DGKB: variants seen among roughly 807,000 people sequenced by gnomAD.
DGKB encodes the protein 90 kDa diacylglycerol kinase.
DGKB carries 67 observed loss-of-function variants against 114.3 expected under a neutral mutation model. The observed-to-expected ratio is 0.59, with a 90% CI of 0.48 to 0.72. The LOEUF (loss-of-function observed/expected upper bound fraction) is 0.72. DGKB is among the 30% of genes least tolerant of loss of function. The probability of loss-of-function intolerance (pLI) is 0.00; values close to 1 mark genes in which losing one functional copy is unlikely to be tolerated. For synonymous variants in DGKB, 398 were observed against 323.1 expected, an observed-to-expected ratio of 1.23 and a Z score of -2.49; for missense variants, 907 against 975.2, an observed-to-expected ratio of 0.93 and a Z score of 0.93.
chr7:14,491,431 C>A (rs990177630), intron 20 of DGKB, among the ~76,000 whole-genome samples: 1 of 152,040 alleles, frequency 6.6e-6, no homozygotes, highest in Non-Finnish European at 1.5e-5. Context: ...TTATAAATTA[C>A]CCAGTCTCAG....
In DGKB at chr7:14,484,033, GT is replaced by G. The variant is rs200501740; in HGVS notation, c.1771-5809del. On this transcript the variant is annotated intron_variant, in intron 20 of 25. Transcript: ENST00000402815. ...CTTATACTTCATCTGTTCATGTAGG[GT>G]TTTTTTTTTTTTGAGAAAAACATTA... is the stretch of plus-strand genomic sequence containing the variant. Among the ~76,000 whole-genome samples, 531 of 141,148 alleles carry G rather than the reference GT, an allele frequency of 3.8e-3. 1 individual carries two copies. The highest frequency in any genetic ancestry group is 0.026 in the East Asian group (126 of 4,878). 92.6% of individuals were successfully genotyped at this position (141,148 alleles called of 152,430 possible).
intron 1 of DGKB, among the ~76,000 whole-genome samples, chr7:14,866,715 AAAT>A (rs1186290893): frequency 6.6e-6 from 1 of 152,122 alleles, no homozygotes; most frequent in African/African-American, 2.4e-5. Context: ...ATTTTTGTGG[AAAT>A]AATTTTTCAT....
intron 13 of DGKB, among the ~76,000 whole-genome samples, chr7:14,656,400 T>C (rs1378100798): frequency 1.3e-5 from 2 of 151,496 alleles, no homozygotes; most frequent in East Asian, 3.9e-4. Context: ...TTTGGTTTTT[T>C]TTTCTAGGTT....
At chr7:14,501,375 T>C (rs1005261559) in intron 20 of DGKB, among the ~76,000 whole-genome samples, 2 of 89,750 alleles carry the variant, frequency 2.2e-5, no homozygotes, top group African/African-American at 1.1e-4. Context: ...TTTTGTCTGA[T>C]TGAGCAACTT....
At chr7:14,297,291 T>C (rs1802748244) in intron 23 of DGKB, among the ~76,000 whole-genome samples, 1 of 152,194 alleles carries the variant, frequency 6.6e-6, no homozygotes, top group Admixed American at 6.5e-5. Context: ...TGAATATGGA[T>C]GCCAAAATTC....
intron 5 of DGKB, among the ~76,000 whole-genome samples, chr7:14,725,092 G>C (rs530046522): frequency 6.6e-6 from 1 of 152,208 alleles, no homozygotes; most frequent in Admixed American, 6.5e-5. Context: ...GATCACTTGA[G>C]CCCAGCAATT....
intron 21 of DGKB, among the ~76,000 whole-genome samples, chr7:14,403,823 G>A (rs1376432681): frequency 6.6e-6 from 1 of 151,806 alleles, no homozygotes; most frequent in South Asian, 2.1e-4. Flanking sequence ...CATGGAATCT[G>A]GCTAGACAAA....
intron 20 of DGKB, among the ~76,000 whole-genome samples, chr7:14,504,781 T>C (rs531216261): frequency 3.9e-5 from 6 of 152,304 alleles, no homozygotes; most frequent in South Asian, 4.1e-4. Flanking sequence ...ATTTTAAATA[T>C]TCTTATAGGT....
At chr7:14,726,151 T>A (rs1475048470) in intron 5 of DGKB, among the ~76,000 whole-genome samples, 1 of 152,066 alleles carries the variant, frequency 6.6e-6, no homozygotes, top group Non-Finnish European at 1.5e-5. Flanking sequence ...TTTATTTATT[T>A]ATTTTTGAGA....
intron 23 of DGKB, among the ~76,000 whole-genome samples, chr7:14,278,620 C>A (rs1416600875): frequency 6.6e-6 from 1 of 151,896 alleles, no homozygotes; most frequent in South Asian, 2.1e-4. Context: ...GCACAGTCAA[C>A]AAAAAGTAGA....
chr7:14,147,065 T>C lies in DGKB; in HGVS notation c.*2066A>G, dbSNP rs548339801. ...TTTTGACACAAAGCCTGCCTGCCCA[T>C]TGTAGAAAATTTTGTCAATTCATGT... is the stretch of plus-strand genomic sequence containing the variant. On this transcript the variant is annotated 3_prime_UTR_variant, in exon 26 of 26. Coordinates refer to ENST00000402815, the MANE Select transcript of DGKB (RefSeq NM_001350709.2). 7 of 152,258 alleles carry C rather than the reference T, an allele frequency of 4.6e-5. No individual in the cohort carries two copies. In the East Asian group the frequency reaches 1.2e-3, roughly 25 times the overall value. The allele number at this position is 152,258 out of a possible 1,614,324, so 9.4% of individuals were successfully genotyped here. A position where few individuals can be genotyped will look rare whatever the true frequency, so the allele number is the denominator to read the frequency against.
intron 6 of DGKB, among the ~76,000 whole-genome samples, chr7:14,717,934 TAA>T (rs1312317052): frequency 6.6e-6 from 1 of 152,186 alleles, no homozygotes; most frequent in African/African-American, 2.4e-5. Flanking sequence ...TATGTTTTAT[TAA>T]AGACAGTAAT....
chr7:14,913,448 C>G (rs1226888976), intron 1 of DGKB, among the ~76,000 whole-genome samples: 1 of 149,386 alleles, frequency 6.7e-6, no homozygotes, highest in Non-Finnish European at 1.5e-5. Context: ...ATATTTATTA[C>G]CTTTGAGTAA....
intron 1 of DGKB, among the ~76,000 whole-genome samples, chr7:14,956,605 A>G (rs1786518856): frequency 6.6e-6 from 1 of 152,086 alleles, no homozygotes; most frequent in East Asian, 1.9e-4. Flanking sequence ...GGCTACATGA[A>G]TAAGACAGCT....
At chr7:14,821,411 T>C (rs1013112811) in intron 2 of DGKB, among the ~76,000 whole-genome samples, 4 of 151,908 alleles carry the variant, frequency 2.6e-5, no homozygotes, top group African/African-American at 4.8e-5. Flanking sequence ...TTGAAGAAAA[T>C]GAACAGGGTA....
Position 14,672,968 on chromosome 7 carries a change from G to T in DGKB, c.1095C>A (p.Asp365Glu). Reference protein sequence around the residue: ...KPECDCGPLKDHILPPTTICP... With the variant: ...KPECDCGPLKEHILPPTTICP... ...AGATTGTTGTGGGTGGTAAAATATG[G>T]TCCTTCAAAGGTCCACAGTCACATT... Residue 365 changes from aspartate to glutamate, a missense_variant, in exon 13 of 26, where the codon GAC becomes GAA. Physicochemically the swap from Asp to Glu is conservative, Grantham distance 45. Around this residue, in one of 3 missense-constraint regions of DGKB, gnomAD observed 814 missense variants for 856.6 expected, o/e 0.95. Coordinates refer to ENST00000402815, the MANE Select transcript of DGKB (RefSeq NM_001350709.2). 6.3e-7 allele frequency: 1 copy of T among 1,578,280 alleles called. No individual in the cohort carries two copies. The highest frequency in any genetic ancestry group is 1.8e-5 in the Admixed American group (1 of 54,984).
intron 8 of DGKB, 28 bp from the exon 9 acceptor site, chr7:14,694,222 G>A (rs1823419480): frequency 1.9e-6 from 3 of 1,545,094 alleles, no homozygotes; most frequent in South Asian, 1.2e-5. Flanking sequence ...AGGGAAAATT[G>A]GTGGTCAACC....
At chr7:14,642,733 G>A (rs754995585) in intron 13 of DGKB, among the ~76,000 whole-genome samples, 15 of 152,078 alleles carry the variant, frequency 9.9e-5, no homozygotes, top group Non-Finnish European at 2.1e-4. Flanking sequence ...ACTTAATTTT[G>A]GCACAAACTT....
At chr7:14,723,683 T>A (rs2128366078) in intron 5 of DGKB, among the ~76,000 whole-genome samples, 1 of 152,260 alleles carries the variant, frequency 6.6e-6, no homozygotes, top group South Asian at 2.1e-4. Flanking sequence ...ATTAGTCTTT[T>A]AGGAATAATT....
Sources: gnomAD v4.1 joint callset for allele counts (sites outside exome capture counted in the v4.1 genomes callset) on GRCh38, gnomAD v4.1.1 for gene constraint, gnomAD v4.1.1 regional missense constraint, MANE v1.5 for transcripts, NCBI Gene and HGNC (gene_info 2026-07-23, HGNC 2026-07-21) for gene names.